The following DROSHA variants were observed in gnomAD, a reference collection of about 807,000 sequenced individuals.
The protein encoded by DROSHA is drosha ribonuclease III, also known as ribonuclease 3.
DROSHA carries 56 observed loss-of-function variants against 181.9 expected under a neutral mutation model. The ratio of observed to expected loss-of-function variants is 0.31; its 90% CI spans 0.25 to 0.38. The LOEUF is 0.38. DROSHA is among the 10% of genes least tolerant of loss of function. The pLI is 1.00. For synonymous variants in DROSHA, 524 were observed against 591.2 expected (o/e 0.89, Z 1.65); for missense variants, 1,218 against 1,743.5 (o/e 0.70, Z 5.37).
chr5:31,403,401 A>C (rs1187637096), intron 35 of DROSHA, among the ~76,000 whole-genome samples: 1 of 151,884 alleles, frequency 6.6e-6, no homozygotes, highest in African/African-American at 2.4e-5. Context: ...AAATGTGTAT[A>C]TACATACATA....
Position 31,468,068 on chromosome 5 carries a change from A to G in DROSHA, c.2242-5T>C, listed in dbSNP as rs753902330. On this transcript the variant is annotated splice_polypyrimidine_tract_variant and splice_region_variant and intron_variant, in intron 17 of 35. Transcript: ENST00000344624. ...GATACGGACAGAGCTTGGTTTCTAG[A>G]GAGAAAAATCAAAGCCATTTATTCC... 1.2e-6 allele frequency: 2 copies of G among 1,608,166 alleles called. No individual in the cohort carries two copies. The highest frequency in any genetic ancestry group is 4.5e-5 in the East Asian group (2 of 44,776).
In DROSHA at chr5:31,495,149, A is replaced by C. The variant is rs1208658140; in HGVS notation, c.1755+137T>G. On this transcript the variant is annotated intron_variant, in intron 12 of 35. Coordinates refer to ENST00000344624, the MANE Select transcript of DROSHA (RefSeq NM_001382508.1). ...GCTGAAAGAAACGTCATCGTGAGAAAGGCCAATTTGTCAACATAAAAATAA... is the reference window on the plus strand; with the variant it reads ...GCTGAAAGAAACGTCATCGTGAGAACGGCCAATTTGTCAACATAAAAATAA... 8.5e-6 allele frequency: 8 copies of C among 942,838 alleles called. No homozygotes were observed. The Admixed American group carries it at 1.9e-4, about 23-fold the overall frequency. 58.4% of individuals were successfully genotyped at this position (942,838 alleles called of 1,614,324 possible).
At chr5:31,434,371 T>C (rs935740286) in intron 25 of DROSHA, among the ~76,000 whole-genome samples, 2 of 152,262 alleles carry the variant, frequency 1.3e-5, no homozygotes, top group African/African-American at 2.4e-5. Flanking sequence ...TCAGGAAGCA[T>C]TGTGACAATT....
chr5:31,476,976 G>A (rs1750443865), intron 16 of DROSHA, among the ~76,000 whole-genome samples: 1 of 152,146 alleles, frequency 6.6e-6, no homozygotes, highest in African/African-American at 2.4e-5. Context: ...TGTCACTGAG[G>A]GCTAGGAAGT....
chr5:31,403,324 T>C (rs1740254390), intron 35 of DROSHA, among the ~76,000 whole-genome samples: 1 of 152,198 alleles, frequency 6.6e-6, no homozygotes, highest in Admixed American at 6.5e-5. Context: ...TAACTATTGA[T>C]AAAACTTTAA....
chr5:31,466,485 T>C, intron 18 of DROSHA: 1 of 495,356 alleles, frequency 2.0e-6, no homozygotes, highest in Non-Finnish European at 3.6e-6. Context: ...AACCTGGTGA[T>C]TAAGTTGATT....
At chr5:31,457,395 G>C (rs1747804983) in intron 20 of DROSHA, among the ~76,000 whole-genome samples, 1 of 151,958 alleles carries the variant, frequency 6.6e-6, no homozygotes, top group South Asian at 2.1e-4. Context: ...AAAATGCTGG[G>C]ATTACAGGCG....
In DROSHA at chr5:31,446,861, G is replaced by A. The variant is rs559880873; in HGVS notation, c.2882+1686C>T. Reference sequence around the variant, plus strand: ...TGGAGACCAGCCTGGCCAACATGGCGAAACCTCGTCTCTACCAAAAATATA... The same window carrying A: ...TGGAGACCAGCCTGGCCAACATGGCAAAACCTCGTCTCTACCAAAAATATA... On this transcript the variant is annotated intron_variant, in intron 23 of 35. Coordinates refer to ENST00000344624, the MANE Select transcript of DROSHA (RefSeq NM_001382508.1). Among the ~76,000 whole-genome samples, 129 of 152,152 alleles carry A rather than the reference G, an allele frequency of 8.5e-4. No homozygotes were observed. The South Asian group carries it at 0.017, about 21-fold the overall frequency.
chr5:31,502,865 T>C (rs1737455023), intron 11 of DROSHA, among the ~76,000 whole-genome samples: 1 of 152,200 alleles, frequency 6.6e-6, no homozygotes, highest in Non-Finnish European at 1.5e-5. Context: ...TTTCAGGCAG[T>C]GTACCTGGTC....
intron 13 of DROSHA, among the ~76,000 whole-genome samples, chr5:31,491,185 TAA>T (rs11301107): frequency 7.3e-4 from 103 of 140,240 alleles, no homozygotes; most frequent in Middle Eastern, 3.7e-3. Flanking sequence ...TGTCCAAGGT[TAA>T]AAAAAAAAAA....
chr5:31,461,092 A>G (rs1748355602), intron 20 of DROSHA, among the ~76,000 whole-genome samples: 1 of 152,160 alleles, frequency 6.6e-6, no homozygotes, highest in African/African-American at 2.4e-5. Context: ...TAAAAAGACT[A>G]CCCTATCCTA....
intron 13 of DROSHA, among the ~76,000 whole-genome samples, chr5:31,490,631 C>T (rs1467605392): frequency 2.0e-5 from 3 of 152,194 alleles, no homozygotes; most frequent in Non-Finnish European, 4.4e-5. Context: ...CTTAAGAGAA[C>T]TTATAGAACT....
intron 15 of DROSHA, among the ~76,000 whole-genome samples, chr5:31,484,574 T>C (rs1751523458): frequency 6.6e-6 from 1 of 152,052 alleles, no homozygotes; most frequent in Non-Finnish European, 1.5e-5. Flanking sequence ...GTTTACTAGA[T>C]TTAAAATATT....
At chr5:31,515,290 T>A (rs1561283386) in intron 7 of DROSHA, 71 bp from the exon 8 acceptor site, 7 of 1,492,016 alleles carry the variant, frequency 4.7e-6, no homozygotes, top group Non-Finnish European at 4.5e-6. Flanking sequence ...CTATTTCACC[T>A]ATTTGGTGCA....
At chr5:31,420,093 C>CA in intron 30 of DROSHA, among the ~76,000 whole-genome samples, 1 of 152,146 alleles carries the variant, frequency 6.6e-6, no homozygotes, top group East Asian at 1.9e-4. Flanking sequence ...ATCTAAACAG[C>CA]CAAGTCACCA....
At chr5:31,478,731 T>C (rs1250819811) in intron 16 of DROSHA, among the ~76,000 whole-genome samples, 1 of 152,010 alleles carries the variant, frequency 6.6e-6, no homozygotes, top group Non-Finnish European at 1.5e-5. Context: ...TGAGACTCTG[T>C]CTCAAAAAAA....
intron 20 of DROSHA, among the ~76,000 whole-genome samples, chr5:31,457,941 T>C (rs1204369699): frequency 1.3e-5 from 2 of 152,024 alleles, no homozygotes; most frequent in African/African-American, 2.4e-5. Flanking sequence ...AAAAGTAAAA[T>C]GAAACAAATG....
At chr5:31,457,517 A>C (rs1561192834) in intron 20 of DROSHA, among the ~76,000 whole-genome samples, 1 of 152,208 alleles carries the variant, frequency 6.6e-6, no homozygotes, top group Non-Finnish European at 1.5e-5. Context: ...AGACTTAAAA[A>C]AAGTACACTT....
At chr5:31,406,593 G>A (rs1445746650) in intron 34 of DROSHA, among the ~76,000 whole-genome samples, 1 of 152,134 alleles carries the variant, frequency 6.6e-6, no homozygotes, top group Non-Finnish European at 1.5e-5. Context: ...ACTAAAACTA[G>A]GCAGACCTTC....
Sources: gnomAD v4.1 joint callset for allele counts (sites outside exome capture counted in the v4.1 genomes callset) on GRCh38, gnomAD v4.1.1 for gene constraint, MANE v1.5 for transcripts, NCBI Gene and HGNC (gene_info 2026-07-23, HGNC 2026-07-21) for gene names.